RARB: variants seen among roughly 807,000 people sequenced by gnomAD.
RARB encodes the protein retinoic acid receptor beta, also known as HBV-activated protein.
Under a neutral mutation model 51.9 loss-of-function variants are expected in RARB, and 17 were observed. The observed-to-expected ratio is 0.33, with a 90% confidence interval of 0.22 to 0.49. The LOEUF (loss-of-function observed/expected upper bound fraction) is 0.49. RARB is among the 20% of genes least tolerant of loss of function. RARB has a pLI of 0.99. For missense variants in RARB, 369 were observed against 550.8 expected, an observed-to-expected ratio of 0.67 and a Z score of 3.30; for synonymous variants, 215 against 195.4, an observed-to-expected ratio of 1.10 and a Z score of -0.84.
At chr3:25,337,740 G>A (rs6774199) in intron 5 of RARB, among the ~76,000 whole-genome samples, 1 of 151,508 alleles carries the variant, frequency 6.6e-6, no homozygotes, top group Non-Finnish European at 1.5e-5. Flanking sequence ...TTATTTTTTT[G>A]TGTGCAGCAC....
chr3:25,234,473 T>C (rs1239047839), intron 5 of RARB, among the ~76,000 whole-genome samples: 1 of 152,196 alleles, frequency 6.6e-6, no homozygotes, highest in Non-Finnish European at 1.5e-5. Context: ...CTTTTGTGTT[T>C]TATTTTTCTC....
At chr3:25,174,615 A>G in intron 5 of RARB, 1 of 1,345,576 alleles carries the variant, frequency 7.4e-7, no homozygotes, top group Non-Finnish European at 9.8e-7. Context: ...CTCTGGGTTG[A>G]TTGGATGAAG....
intron 5 of RARB, among the ~76,000 whole-genome samples, chr3:25,281,799 A>G (rs1458254471): frequency 1.3e-5 from 2 of 152,198 alleles, no homozygotes; most frequent in African/African-American, 2.4e-5. Context: ...TATTACTTCA[A>G]CCAGGAAGGT....
rs139028298 is a variant in RARB, at chr3:25,221,309, C to A, written c.178+46734C>A. ...TAATTGAGACAACTCTCTGTCCTTACGCTATGTGCTAAGTTAGTTCATAAC... is the reference window on the plus strand; with the variant it reads ...TAATTGAGACAACTCTCTGTCCTTAAGCTATGTGCTAAGTTAGTTCATAAC... On this transcript the variant is annotated intron_variant, in intron 5 of 11. Coordinates refer to the RARB transcript ENST00000383772. Among the ~76,000 whole-genome samples the A allele has an allele frequency of 1.3e-3, 197 of 150,242 alleles. No homozygotes were observed. In the South Asian group the frequency reaches 0.016, roughly 12 times the overall value.
intron 1 of RARB, among the ~76,000 whole-genome samples, chr3:24,846,200 G>A (rs970601682): frequency 2.0e-5 from 3 of 152,134 alleles, no homozygotes; most frequent in African/African-American, 7.2e-5. Context: ...GGTGATCTTA[G>A]GCAAGTTAAT....
At chr3:25,140,725 A>T (rs1008594415) in intron 4 of RARB, among the ~76,000 whole-genome samples, 3 of 152,210 alleles carry the variant, frequency 2.0e-5, no homozygotes, top group African/African-American at 7.2e-5. Flanking sequence ...ACAGCATTGC[A>T]TGTTACAGAG....
chr3:24,864,066 A>G (rs923563893), intron 2 of RARB, among the ~76,000 whole-genome samples: 5 of 152,204 alleles, frequency 3.3e-5, no homozygotes, highest in African/African-American at 1.2e-4. Context: ...AGAAATGTAG[A>G]CAAGTTTCAC....
At chr3:25,188,056 G>A (rs932565063) in intron 5 of RARB, among the ~76,000 whole-genome samples, 5 of 152,076 alleles carry the variant, frequency 3.3e-5, no homozygotes, top group East Asian at 1.9e-4. Flanking sequence ...ACAAGTTACC[G>A]AATTAATAGA....
At chr3:25,217,888 T>C (rs962307735) in intron 5 of RARB, among the ~76,000 whole-genome samples, 4 of 152,106 alleles carry the variant, frequency 2.6e-5, no homozygotes, top group African/African-American at 7.2e-5. Flanking sequence ...GGCAAACTTA[T>C]GAGAAATGGA....
chr3:25,443,033 C>T (rs888045106), intron 1 of RARB, among the ~76,000 whole-genome samples: 2 of 152,162 alleles, frequency 1.3e-5, no homozygotes, highest in Non-Finnish European at 2.9e-5. Flanking sequence ...ACCATGAGCT[C>T]TCCCCCGGGT....
chr3:24,996,054 G>A (rs1211108581), intron 2 of RARB, among the ~76,000 whole-genome samples: 2 of 152,020 alleles, frequency 1.3e-5, no homozygotes, highest in South Asian at 4.1e-4. Context: ...TTCTTTAAAA[G>A]TTCAGTAGAA....
At chr3:24,876,314 T>G (rs1703042043) in intron 2 of RARB, among the ~76,000 whole-genome samples, 1 of 152,176 alleles carries the variant, frequency 6.6e-6, no homozygotes, top group Admixed American at 6.5e-5. Flanking sequence ...CTATGACAAT[T>G]ATCACTGAAG....
At chr3:25,095,517 A>C (rs1699278357) in intron 3 of RARB, among the ~76,000 whole-genome samples, 1 of 152,156 alleles carries the variant, frequency 6.6e-6, no homozygotes, top group South Asian at 2.1e-4. Flanking sequence ...CATCCTCCCA[A>C]CAGGTTTATG....
At chr3:24,898,211 C>T (rs1429567265) in intron 2 of RARB, among the ~76,000 whole-genome samples, 2 of 152,032 alleles carry the variant, frequency 1.3e-5, no homozygotes, top group Non-Finnish European at 2.9e-5. Flanking sequence ...TAGGGCATTG[C>T]TTTCTCTCAT....
chr3:24,942,256 AAAC>A (rs1695682687), intron 2 of RARB, among the ~76,000 whole-genome samples: 1 of 152,242 alleles, frequency 6.6e-6, no homozygotes, highest in Non-Finnish European at 1.5e-5. Context: ...ATATAAAAAT[AAAC>A]CAAAATAGCT....
intron 5 of RARB, among the ~76,000 whole-genome samples, chr3:25,194,216 A>C (rs1481664529): frequency 7.0e-6 from 1 of 143,226 alleles, no homozygotes; most frequent in African/African-American, 2.6e-5. Flanking sequence ...ACATAGAAAC[A>C]AAGAGTAGAA....
At chr3:25,116,238 C>G (rs1301544665) in intron 3 of RARB, among the ~76,000 whole-genome samples, 3 of 152,162 alleles carry the variant, frequency 2.0e-5, no homozygotes, top group African/African-American at 7.2e-5. Context: ...CAGGAGTCCC[C>G]TTTCCCCTTT....
At chr3:25,468,893 C>A (rs894338833) in intron 2 of RARB, among the ~76,000 whole-genome samples, 5 of 152,304 alleles carry the variant, frequency 3.3e-5, no homozygotes, top group Non-Finnish European at 7.4e-5. Context: ...CTAAGCCAAC[C>A]TTTGGGGGCC....
chr3:25,424,697 C>T (rs757421379), upstream of RARB, among the ~76,000 whole-genome samples: 4 of 152,170 alleles, frequency 2.6e-5, no homozygotes, highest in African/African-American at 4.8e-5. Context: ...GATATGTCTG[C>T]GCCTCTGAAA....
Sources: allele counts gnomAD v4.1 joint callset (sites outside exome capture counted in the v4.1 genomes callset), GRCh38; gene constraint gnomAD v4.1.1; transcripts MANE v1.5; gene names NCBI Gene and HGNC (gene_info 2026-07-23, HGNC 2026-07-21).